The following PHEX variants were observed in gnomAD, a reference collection of about 807,000 sequenced individuals.
The protein encoded by PHEX is phosphate-regulating neutral endopeptidase PHEX.
A neutral mutation model predicts 68.0 loss-of-function variants in PHEX; 16 were observed. The observed-to-expected ratio is 0.24, with a 90% confidence interval of 0.16 to 0.36. The LOEUF is 0.36. PHEX is among the 10% of genes least tolerant of loss of function. The pLI, the probability that PHEX is intolerant of heterozygous loss-of-function variation, is 1.00. For synonymous variants in PHEX, 208 were observed against 205.1 expected (o/e 1.01, Z -0.12); for missense variants, 480 against 575.5 (o/e 0.83, Z 1.70).
chrX:22,163,940 T>C (rs1163117156), intron 12 of PHEX, among the ~76,000 whole-genome samples: 1 of 112,012 alleles, frequency 8.9e-6, no homozygotes, highest in African/African-American at 3.2e-5. Flanking sequence ...TTAGGTAACC[T>C]TTCAGAGGGC....
chrX:22,063,040 C>T (rs187590718), intron 3 of PHEX, among the ~76,000 whole-genome samples: 47 of 111,582 alleles, frequency 4.2e-4, no homozygotes, highest in South Asian at 1.9e-3. Flanking sequence ...GGATTACAGG[C>T]GTGAGCCACT....
chrX:22,184,675 G>T (rs1460594316), intron 14 of PHEX, among the ~76,000 whole-genome samples: 2 of 111,732 alleles, frequency 1.8e-5, no homozygotes, highest in Middle Eastern at 4.2e-3. Flanking sequence ...TTTACTTACT[G>T]CTCGGCTTGA....
intron 15 of PHEX, among the ~76,000 whole-genome samples, chrX:22,191,969 A>G (rs1223613095): frequency 8.9e-6 from 1 of 112,258 alleles, no homozygotes; most frequent in East Asian, 2.8e-4. Flanking sequence ...AAAGTTGAAA[A>G]TCATGCAGAA....
intron 15 of PHEX, among the ~76,000 whole-genome samples, chrX:22,200,525 C>T (rs1373032062): frequency 9.0e-6 from 1 of 111,385 alleles, no homozygotes; most frequent in Non-Finnish European, 1.9e-5. Flanking sequence ...ACGAGAATCA[C>T]TTGAACCCGG....
chrX:22,151,707 C>T (rs950060596), intron 12 of PHEX, among the ~76,000 whole-genome samples: 6 of 111,927 alleles, frequency 5.4e-5, no homozygotes, highest in Non-Finnish European at 1.1e-4. Context: ...AATGTTCTGA[C>T]GTTTCCTGAC....
chrX:22,128,152 G>A (rs1051637230), intron 11 of PHEX, among the ~76,000 whole-genome samples: 1 of 110,677 alleles, frequency 9.0e-6, no homozygotes, highest in Admixed American at 9.8e-5. Context: ...TCCGCCTCGC[G>A]GGTTCAAGCA....
chrX:22,033,694 C>T (rs1045319882), intron 1 of PHEX, among the ~76,000 whole-genome samples: 2 of 111,745 alleles, frequency 1.8e-5, no homozygotes, highest in African/African-American at 6.5e-5. Flanking sequence ...CAGAGGTTTT[C>T]CCCCAAGATT....
intron 3 of PHEX, among the ~76,000 whole-genome samples, chrX:22,054,580 A>G (rs1253898746): frequency 9.0e-6 from 1 of 111,622 alleles, no homozygotes; most frequent in Non-Finnish European, 1.9e-5. Context: ...TGAGTCTCCT[A>G]TGTAAACTGG....
intron 3 of PHEX, among the ~76,000 whole-genome samples, chrX:22,067,728 C>T (rs1928672130): frequency 9.0e-6 from 1 of 111,623 alleles, no homozygotes; most frequent in Non-Finnish European, 1.9e-5. Context: ...CATTACCTGG[C>T]AGTTTGTTAG....
intron 13 of PHEX, among the ~76,000 whole-genome samples, chrX:22,170,361 C>G (rs746948269): frequency 1.9e-4 from 21 of 110,757 alleles, no homozygotes; most frequent in African/African-American, 6.9e-4. Flanking sequence ...TAAATAGGGA[C>G]CGTGGAGTCA....
chrX:22,049,006 C>T (rs1219509628), intron 3 of PHEX, among the ~76,000 whole-genome samples: 1 of 112,246 alleles, frequency 8.9e-6, no homozygotes, highest in Non-Finnish European at 1.9e-5. Flanking sequence ...ATACATACTA[C>T]TCTAACTTAA....
intron 9 of PHEX, among the ~76,000 whole-genome samples, chrX:22,101,523 T>G (rs1233302732): frequency 1.8e-5 from 2 of 112,107 alleles, no homozygotes; most frequent in Non-Finnish European, 1.9e-5. Flanking sequence ...TGGAACAGTC[T>G]GAACATGGGT....
intron 10 of PHEX, among the ~76,000 whole-genome samples, chrX:22,113,928 T>C (rs1284814230): frequency 9.4e-6 from 1 of 106,567 alleles, no homozygotes; most frequent in East Asian, 2.9e-4. Flanking sequence ...TAAATCACTT[T>C]CTTTTCTTCT....
At chrX:22,158,079 A>C (rs1010595940) in intron 12 of PHEX, among the ~76,000 whole-genome samples, 1 of 112,241 alleles carries the variant, frequency 8.9e-6, no homozygotes, top group Non-Finnish European at 1.9e-5. Context: ...ATAGACCCAG[A>C]GGATATTAAA....
chrX:22,035,684 A>G (rs761338887), intron 1 of PHEX, among the ~76,000 whole-genome samples: 124 of 111,411 alleles, frequency 1.1e-3, no homozygotes, highest in Non-Finnish European at 1.8e-3. Flanking sequence ...CTTTCTGGCC[A>G]TTCTTATGCT....
At chrX:22,180,548 A>T (rs1339941138) in intron 14 of PHEX, among the ~76,000 whole-genome samples, 1 of 112,047 alleles carries the variant, frequency 8.9e-6, no homozygotes, top group Non-Finnish European at 1.9e-5. Context: ...ATATTTCAAT[A>T]CAGGCATAAA....
intron 15 of PHEX, among the ~76,000 whole-genome samples, chrX:22,203,222 CT>C (rs1934612251): frequency 9.0e-6 from 1 of 110,619 alleles, no homozygotes; most frequent in Non-Finnish European, 1.9e-5. Context: ...AAGGGAGGTT[CT>C]CTTTGTTGCA....
At chrX:22,063,553 G>T (rs771321880) in intron 3 of PHEX, among the ~76,000 whole-genome samples, 1 of 111,813 alleles carries the variant, frequency 8.9e-6, no homozygotes, top group Admixed American at 9.5e-5. Context: ...AGGCAATTGT[G>T]TTTCGCCTGA....
intron 3 of PHEX, among the ~76,000 whole-genome samples, chrX:22,057,566 G>A (rs991751596): frequency 5.4e-5 from 6 of 110,231 alleles, no homozygotes; most frequent in African/African-American, 2.0e-4. Context: ...ACTTCATCCA[G>A]GGCAACAGAG....
Sources: gnomAD v4.1 joint callset for allele counts (sites outside exome capture counted in the v4.1 genomes callset) on GRCh38, gnomAD v4.1.1 for gene constraint, MANE v1.5 for transcripts, NCBI Gene and HGNC (gene_info 2026-07-23, HGNC 2026-07-21) for gene names.